The following FCRL4 variants were observed in gnomAD, a reference collection of about 807,000 sequenced individuals.
FCRL4 encodes the protein Fc receptor like 4, also known as Fc receptor-like protein 4.
Under a neutral mutation model 64.1 loss-of-function variants are expected in FCRL4, and 43 were observed. That is an observed-to-expected ratio of 0.67 (90% CI 0.53 to 0.87). FCRL4 has a LOEUF of 0.87. FCRL4 is among the 40% of genes least tolerant of loss of function. The pLI, the probability that FCRL4 is intolerant of heterozygous loss-of-function variation, is 0.00. For missense variants in FCRL4, 656 were observed against 613.5 expected (o/e 1.07, Z -0.73); for synonymous variants, 253 against 239.8 (o/e 1.05, Z -0.51).
chr1:157,593,832 G>C (rs961562503), intron 2 of FCRL4, among the ~76,000 whole-genome samples: 1 of 152,050 alleles, frequency 6.6e-6, no homozygotes, highest in Non-Finnish European at 1.5e-5. Context: ...CTTTGTGCCG[G>C]CTAACAACAA....
At chr1:157,585,966 C>A (rs1338486793) in intron 6 of FCRL4, among the ~76,000 whole-genome samples, 1 of 152,186 alleles carries the variant, frequency 6.6e-6, no homozygotes, top group Non-Finnish European at 1.5e-5. Flanking sequence ...AAATGGCTCC[C>A]AGCCACCATT....
intron 1 of FCRL4, among the ~76,000 whole-genome samples, chr1:157,597,468 C>T (rs1224245284): frequency 6.6e-6 from 1 of 152,166 alleles, no homozygotes; most frequent in Non-Finnish European, 1.5e-5. Context: ...ATGCTCTTTG[C>T]AAACATCAGA....
intron 2 of FCRL4, among the ~76,000 whole-genome samples, chr1:157,590,799 G>C (rs1213282822): frequency 6.6e-6 from 1 of 152,156 alleles, no homozygotes; most frequent in East Asian, 1.9e-4. Flanking sequence ...TTGCAGGCGT[G>C]AGCCACCATG....
rs775702610 is a variant in FCRL4 at position 157,589,289 on chromosome 1, G to C, written c.222C>G (p.Thr74=). The change falls in exon 3 of 12, where the codon ACC becomes ACG. Residue 74 remains threonine, a synonymous_variant. Coordinates refer to ENST00000271532, the MANE Select transcript of FCRL4 (RefSeq NM_031282.3). ...ACAGTCCAGATTCCCGAACCTCGAGGGTGTTTCCTGGGGTCAGGGTCAACT... is the reference window on the plus strand; with the variant it reads ...ACAGTCCAGATTCCCGAACCTCGAGCGTGTTTCCTGGGGTCAGGGTCAACT... ...GEKLTLTPGN[T]LEVRESGLYR... is the part of the protein sequence containing the mutation. The C allele has an allele frequency of 1.2e-6, 2 of 1,614,156 alleles. No homozygotes were observed. Among genetic ancestry groups the C allele is most frequent in the Admixed American group, 1.7e-5 (1 of 60,028 alleles).
At chr1:157,578,888 C>T (rs1465542983) in intron 8 of FCRL4, 36 bp from the exon 9 acceptor site, 1 of 1,537,468 alleles carries the variant, frequency 6.5e-7, no homozygotes, top group South Asian at 1.2e-5. Context: ...ATCCCTGGAA[C>T]ACTGTAACAT....
intron 3 of FCRL4, among the ~76,000 whole-genome samples, chr1:157,588,989 G>A (rs1224196916): frequency 6.6e-6 from 1 of 152,234 alleles, no homozygotes; most frequent in Non-Finnish European, 1.5e-5. Flanking sequence ...GACTGTGTAA[G>A]TGTGTGGGGA....
At chr1:157,577,810 G>A (rs1431303440) in intron 10 of FCRL4, among the ~76,000 whole-genome samples, 2 of 152,150 alleles carry the variant, frequency 1.3e-5, no homozygotes, top group Non-Finnish European at 2.9e-5. Flanking sequence ...GAAAAGAACA[G>A]GCAGAATAAT....
At chr1:157,589,670 A>AG (rs201563568) in intron 2 of FCRL4, among the ~76,000 whole-genome samples, 45 of 151,148 alleles carry the variant, frequency 3.0e-4, no homozygotes, top group African/African-American at 7.4e-4. Flanking sequence ...GGCCTTTCAG[A>AG]GGGGGGGCAG....
At chr1:157,585,368 TTC>T (rs1652660692) in intron 6 of FCRL4, among the ~76,000 whole-genome samples, 1 of 111,228 alleles carries the variant, frequency 9.0e-6, no homozygotes, top group Non-Finnish European at 1.9e-5. Flanking sequence ...CTTTCTTTCT[TTC>T]TTTCTTTCTT....
At chr1:157,595,318 A>C (rs1173862973) in intron 2 of FCRL4, among the ~76,000 whole-genome samples, 1 of 152,236 alleles carries the variant, frequency 6.6e-6, no homozygotes, top group African/African-American at 2.4e-5. Flanking sequence ...CCTACCAGCT[A>C]TATTCCTGGG....
intron 2 of FCRL4, among the ~76,000 whole-genome samples, chr1:157,591,646 G>A (rs916822559): frequency 6.6e-6 from 1 of 152,182 alleles, no homozygotes; most frequent in Admixed American, 6.5e-5. Context: ...GACCTCAAAG[G>A]CACTCTCTTG....
chr1:157,579,068 G>A (rs1269140922), intron 8 of FCRL4, among the ~76,000 whole-genome samples: 3 of 152,216 alleles, frequency 2.0e-5, no homozygotes, highest in Admixed American at 2.0e-4. Flanking sequence ...GGTATGGACA[G>A]GCTGCCTGGA....
rs1320458838 is a variant in FCRL4, at chr1:157,587,848, T to A, written c.562+17A>T. ...CCTGTCATTACTAAGCAAATCTATA[T>A]GAACTGAAAGATTCACCTTGAATTT... On this transcript the variant is annotated intron_variant, in intron 4 of 11. Coordinates refer to ENST00000271532, the MANE Select transcript of FCRL4 (RefSeq NM_031282.3). The A allele has an allele frequency of 6.3e-7, 1 of 1,594,958 alleles. No individual in the cohort carries two copies. Among genetic ancestry groups the A allele is most frequent in the South Asian group, 1.1e-5 (1 of 89,634 alleles).
At chr1:157,593,454 G>A (rs943753566) in intron 2 of FCRL4, among the ~76,000 whole-genome samples, 1 of 152,180 alleles carries the variant, frequency 6.6e-6, no homozygotes, top group Non-Finnish European at 1.5e-5. Context: ...ACTTAAGACA[G>A]GTTGTCTCGC....
At chr1:157,577,201 C>G (rs1385536888) in intron 10 of FCRL4, among the ~76,000 whole-genome samples, 1 of 152,094 alleles carries the variant, frequency 6.6e-6, no homozygotes, top group Non-Finnish European at 1.5e-5. Flanking sequence ...CAGGTTATAG[C>G]CCCCAGCCTG....
At chr1:157,594,840 T>C (rs2101688649) in intron 2 of FCRL4, among the ~76,000 whole-genome samples, 1 of 152,382 alleles carries the variant, frequency 6.6e-6, no homozygotes, top group South Asian at 2.1e-4. Context: ...CTGCATGTTT[T>C]ACATGAAGAA....
At position 157,582,455 on chromosome 1, in the gene FCRL4, G is replaced by C. The variant is rs549134889; in HGVS notation, c.1136-811C>G. ...CCGTGCCCTGTAGTGATGCGCTAAA[G>C]AGCAAAAAGCATGACAGAGGGACAG... is the stretch of plus-strand genomic sequence containing the variant. On this transcript the variant is annotated intron_variant, in intron 6 of 11. Coordinates refer to ENST00000271532, the MANE Select transcript of FCRL4 (RefSeq NM_031282.3). Among the ~76,000 whole-genome samples the C allele has an allele frequency of 1.2e-4, 19 of 152,218 alleles. No individual in the cohort carries two copies. In the East Asian group the frequency reaches 2.3e-3, roughly 19 times the overall value.
At chr1:157,585,387 T>TTTCG (rs1558155130) in intron 6 of FCRL4, among the ~76,000 whole-genome samples, 1 of 101,926 alleles carries the variant, frequency 9.8e-6, no homozygotes, top group Non-Finnish European at 2.2e-5. Context: ...TCTTTCTTTC[T>TTTCG]TTCTTTCCTT....
At chr1:157,592,933 G>A (rs1245855717) in intron 2 of FCRL4, among the ~76,000 whole-genome samples, 5 of 152,202 alleles carry the variant, frequency 3.3e-5, no homozygotes, top group African/African-American at 1.2e-4. Context: ...CATGTCCTTT[G>A]TAGGGACATG....
Sources: gnomAD v4.1 joint callset for allele counts (sites outside exome capture counted in the v4.1 genomes callset) on GRCh38, gnomAD v4.1.1 for gene constraint, MANE v1.5 for transcripts, NCBI Gene and HGNC (gene_info 2026-07-23, HGNC 2026-07-21) for gene names.